The following SHANK2 variants were observed in gnomAD, a reference collection of about 807,000 sequenced individuals.
SHANK2 encodes SH3 and multiple ankyrin repeat domains 2.
In SHANK2, 43 loss-of-function variants were observed where a neutral mutation model predicts 133.7. The ratio of observed to expected loss-of-function variants is 0.32; its 90% CI spans 0.25 to 0.41. The LOEUF (loss-of-function observed/expected upper bound fraction) is 0.41. SHANK2 is among the 10% of genes least tolerant of loss of function. The pLI is 1.00. For missense variants in SHANK2, 1,994 were observed against 2,235.8 expected (o/e 0.89, Z 2.18); for synonymous variants, 1,017 against 952.8 (o/e 1.07, Z -1.24).
chr11:70,722,575 T>A (rs980556581), intron 14 of SHANK2, among the ~76,000 whole-genome samples: 1 of 152,380 alleles, frequency 6.6e-6, no homozygotes, highest in South Asian at 2.1e-4. Flanking sequence ...CGTATATTGT[T>A]AATTTTATTC....
chr11:70,617,305 A>ATGTGTG (rs34433990), intron 17 of SHANK2, among the ~76,000 whole-genome samples: 21 of 149,482 alleles, frequency 1.4e-4, no homozygotes, highest in South Asian at 2.1e-4. Flanking sequence ...CTGAGAGAGT[A>ATGTGTG]TGTGTGTGTG....
chr11:70,753,066 T>G (rs1946789113), intron 14 of SHANK2, among the ~76,000 whole-genome samples: 1 of 151,368 alleles, frequency 6.6e-6, no homozygotes, highest in East Asian at 1.9e-4. Flanking sequence ...TGAGCCAAGA[T>G]CATGCCACTG....
intron 1 of SHANK2, among the ~76,000 whole-genome samples, chr11:71,234,406 A>T (rs911075766): frequency 4.7e-5 from 6 of 127,980 alleles, no homozygotes; most frequent in South Asian, 2.6e-4. Flanking sequence ...AATAAATAAC[A>T]ACAAAATGTT....
chr11:70,753,336 T>C (rs1399026596), intron 14 of SHANK2, among the ~76,000 whole-genome samples: 2 of 152,166 alleles, frequency 1.3e-5, no homozygotes, highest in Non-Finnish European at 2.9e-5. Context: ...CGAACTGACA[T>C]TTAAAGAACA....
chr11:70,479,891 C>A lies in SHANK2; in HGVS notation c.4979+5423G>T, dbSNP rs1460071953. Among the ~76,000 whole-genome samples, 2 of 152,232 alleles carry A rather than the reference C, an allele frequency of 1.3e-5. No individual in the cohort carries two copies. Among genetic ancestry groups the A allele is most frequent in the Non-Finnish European group, 2.9e-5 (2 of 68,052 alleles). ...TTTGGGTCAAAGCATATAAGTCAGG[C>A]AAGCTGCTGTGTTCTCCTGGGTTCC... On this transcript the variant is annotated intron_variant, in intron 25 of 25. Transcript: ENST00000601538. The surrounding 1 kb of genome is among the most constrained non-coding windows in gnomAD (Gnocchi z 4.4).
chr11:71,163,916 C>G (rs1953083219), intron 2 of SHANK2, among the ~76,000 whole-genome samples: 1 of 152,198 alleles, frequency 6.6e-6, no homozygotes, highest in African/African-American at 2.4e-5. Context: ...CTTTATTTTT[C>G]TAGAGCAGGT....
intron 14 of SHANK2, among the ~76,000 whole-genome samples, chr11:70,709,121 G>A (rs564958901): frequency 1.3e-5 from 2 of 152,352 alleles, no homozygotes; most frequent in South Asian, 4.1e-4. Flanking sequence ...TGAGGTGGGA[G>A]GATCACTTGA....
Position 70,500,657 on chromosome 11 carries a change from G to A in SHANK2, c.2288-67C>T. ...AGCGCCCGCCCGCAGCCTACACTCG[G>A]GCCTTGTCAGCTCAGGGCGCCTCAG... On this transcript the variant is annotated intron_variant, in intron 20 of 25. Transcript: ENST00000601538. The surrounding 1 kb of genome is among the most constrained non-coding windows in gnomAD (Gnocchi z 4.5). 6.4e-7 allele frequency: 1 copy of A among 1,566,294 alleles called. No homozygotes were observed. The highest frequency in any genetic ancestry group is 8.7e-7 in the Non-Finnish European group (1 of 1,155,372).
chr11:70,892,098 C>T (rs550889327), intron 11 of SHANK2, among the ~76,000 whole-genome samples: 2 of 152,258 alleles, frequency 1.3e-5, no homozygotes, highest in Admixed American at 1.3e-4. Context: ...AGGCTTCCCT[C>T]GGGGGCTGCC....
Position 71,118,805 on chromosome 11 carries a change from C to T in SHANK2, c.411+24G>A, listed in dbSNP as rs1177410994. On this transcript the variant is annotated intron_variant, in intron 4 of 25. Coordinates refer to ENST00000601538, the MANE Select transcript of SHANK2 (RefSeq NM_012309.5). ...TCCAGGCTGTGACACAACCACAGTC[C>T]ATGCACTGTGGGCTGAAATATACCT... is the stretch of plus-strand genomic sequence containing the variant. 2.0e-6 allele frequency: 3 copies of T among 1,525,840 alleles called. No individual in the cohort carries two copies. In the East Asian group the frequency reaches 7.4e-5, roughly 37 times the overall value. The allele number at this position is 1,525,840 out of a possible 1,614,324, so 94.5% of individuals were successfully genotyped here. A position where few individuals can be genotyped will look rare whatever the true frequency, so the allele number is the denominator to read the frequency against.
rs2061402776 is a variant in SHANK2, at chr11:70,656,107, G to A, written c.2061+3721C>T. ...ACCCACATCCTCCTTAGCACATGTC[G>A]TGAACTTCAGAAGCAACCTGTGATC... On this transcript the variant is annotated intron_variant, in intron 17 of 25. Transcript: ENST00000601538. 1.3e-5 allele frequency among the ~76,000 whole-genome samples: 2 copies of A among 152,142 alleles called. 1 individual carries two copies. Among genetic ancestry groups the A allele is most frequent in the South Asian group, 4.1e-4 (2 of 4,822 alleles).
intron 14 of SHANK2, among the ~76,000 whole-genome samples, chr11:70,727,330 A>G (rs1033054760): frequency 5.9e-5 from 9 of 152,246 alleles, no homozygotes; most frequent in African/African-American, 1.4e-4. Flanking sequence ...AGGTTGGCCA[A>G]TACTTCACAT....
At chr11:71,229,765 GAAAAAAA>G (rs55730780) in intron 1 of SHANK2, among the ~76,000 whole-genome samples, 7 of 116,568 alleles carry the variant, frequency 6.0e-5, no homozygotes, top group East Asian at 4.9e-4. Flanking sequence ...TCTCAAAAAA[GAAAAAAA>G]AAAAAAAAAA....
chr11:70,871,386 G>A (rs542690771), intron 11 of SHANK2, among the ~76,000 whole-genome samples: 1 of 152,242 alleles, frequency 6.6e-6, no homozygotes, highest in East Asian at 1.9e-4. Flanking sequence ...CAGGATGGGC[G>A]GGGGTGGGGA....
intron 2 of SHANK2, among the ~76,000 whole-genome samples, chr11:71,217,875 G>C (rs1954446094): frequency 6.6e-6 from 1 of 152,204 alleles, no homozygotes; most frequent in Non-Finnish European, 1.5e-5. Flanking sequence ...TTTTGAGACA[G>C]AGTCTCGCTC....
At chr11:70,712,671 G>A (rs1472040618) in intron 14 of SHANK2, among the ~76,000 whole-genome samples, 3 of 152,228 alleles carry the variant, frequency 2.0e-5, no homozygotes, top group African/African-American at 7.2e-5. Context: ...GACTCCTCCT[G>A]CAATGGGTGG....
At chr11:70,638,106 A>G (rs2061129705) in intron 17 of SHANK2, among the ~76,000 whole-genome samples, 2 of 152,196 alleles carry the variant, frequency 1.3e-5, no homozygotes, top group Non-Finnish European at 2.9e-5. Flanking sequence ...TTTGGGGCTA[A>G]TTTTCTCCTG....
intron 11 of SHANK2, among the ~76,000 whole-genome samples, chr11:70,821,626 TG>T (rs1948524934): frequency 6.6e-6 from 1 of 152,154 alleles, no homozygotes. Flanking sequence ...GGTTTCACCA[TG>T]TTGGCCAGGC....
intron 14 of SHANK2, among the ~76,000 whole-genome samples, chr11:70,767,105 G>T (rs1947138844): frequency 6.6e-6 from 1 of 152,154 alleles, no homozygotes; most frequent in Non-Finnish European, 1.5e-5. Context: ...AAGTGAAAAT[G>T]GACATGGGCG....
Sources: allele counts gnomAD v4.1 joint callset (sites outside exome capture counted in the v4.1 genomes callset), GRCh38; gene constraint gnomAD v4.1.1; non-coding constraint Gnocchi (gnomAD v3.1); transcripts MANE v1.5; gene names NCBI Gene and HGNC (gene_info 2026-07-23, HGNC 2026-07-21).